Variants in PCDH9 observed in about 807,000 individuals in gnomAD.
PCDH9 encodes protocadherin-9.
PCDH9 carries 24 observed loss-of-function variants against 70.6 expected under a neutral mutation model. That is an observed-to-expected ratio of 0.34 (90% CI 0.25 to 0.48). The LOEUF is 0.48. Ranked by LOEUF, PCDH9 falls within the 20% of genes least tolerant of loss-of-function variation. PCDH9 has a pLI of 0.99. For missense variants in PCDH9, 1,281 were observed against 1,503.6 expected (o/e 0.85, Z 2.45); for synonymous variants, 562 against 558.5 (o/e 1.01, Z -0.09).
chr13:67,117,000 G>C (rs973696547), intron 2 of PCDH9, among the ~76,000 whole-genome samples: 17 of 151,992 alleles, frequency 1.1e-4, no homozygotes, highest in Non-Finnish European at 2.2e-4. Flanking sequence ...TTAATAAAAA[G>C]AAAGAAACTT....
At chr13:67,142,386 G>A (rs991562027) in intron 2 of PCDH9, among the ~76,000 whole-genome samples, 1 of 151,958 alleles carries the variant, frequency 6.6e-6, no homozygotes, top group Non-Finnish European at 1.5e-5. Flanking sequence ...ATAAAAAACA[G>A]GTATTTTACC....
chr13:66,373,363 G>C (rs139059467), intron 4 of PCDH9, among the ~76,000 whole-genome samples: 1 of 151,848 alleles, frequency 6.6e-6, no homozygotes, highest in Non-Finnish European at 1.5e-5. Context: ...GGAAATTGTC[G>C]TTTAATGGGT....
intron 3 of PCDH9, among the ~76,000 whole-genome samples, chr13:66,882,914 T>C (rs2081945425): frequency 6.6e-6 from 1 of 152,220 alleles, no homozygotes; most frequent in Non-Finnish European, 1.5e-5. Context: ...CATTTCTTCC[T>C]TTTTATGATG....
At chr13:67,161,642 G>A (rs2087963524) in intron 2 of PCDH9, among the ~76,000 whole-genome samples, 1 of 152,176 alleles carries the variant, frequency 6.6e-6, no homozygotes, top group Non-Finnish European at 1.5e-5. Flanking sequence ...GCAGGGAACT[G>A]TTGACCGTAG....
At chr13:66,801,807 T>C (rs1000324607) in intron 3 of PCDH9, among the ~76,000 whole-genome samples, 1 of 152,104 alleles carries the variant, frequency 6.6e-6, no homozygotes, top group Admixed American at 6.6e-5. Flanking sequence ...TTGTGGCTTT[T>C]TGAAAATCTT....
intron 2 of PCDH9, among the ~76,000 whole-genome samples, chr13:67,188,080 A>G (rs945633763): frequency 1.3e-5 from 2 of 152,170 alleles, no homozygotes; most frequent in Admixed American, 1.3e-4. Flanking sequence ...CATGAGAAAT[A>G]TACAGTAATA....
intron 4 of PCDH9, among the ~76,000 whole-genome samples, chr13:66,580,453 G>T (rs1218624066): frequency 3.9e-5 from 6 of 151,934 alleles, no homozygotes; most frequent in African/African-American, 1.4e-4. Flanking sequence ...AAATGCATGT[G>T]TAGAAAGTCA....
intron 2 of PCDH9, among the ~76,000 whole-genome samples, chr13:67,111,677 G>A (rs2086661789): frequency 6.6e-6 from 1 of 152,080 alleles, no homozygotes; most frequent in South Asian, 2.1e-4. Flanking sequence ...TTATTTAAGT[G>A]GGAGTGGAAT....
chr13:66,365,355 G>A (rs562499854), intron 4 of PCDH9, among the ~76,000 whole-genome samples: 39 of 152,264 alleles, frequency 2.6e-4, no homozygotes, highest in Middle Eastern at 3.4e-3. Flanking sequence ...TAAACAGTTG[G>A]TTCTCTCCTT....
intron 4 of PCDH9, among the ~76,000 whole-genome samples, chr13:66,457,720 T>A (rs1007466868): frequency 6.6e-6 from 1 of 152,058 alleles, no homozygotes; most frequent in Non-Finnish European, 1.5e-5. Context: ...CACTGAGTTA[T>A]GTTGGGTCAT....
At chr13:66,460,618 A>T (rs1433158303) in intron 4 of PCDH9, among the ~76,000 whole-genome samples, 1 of 151,922 alleles carries the variant, frequency 6.6e-6, no homozygotes, top group East Asian at 1.9e-4. Context: ...CTACTATAAG[A>T]TAGTTGAATT....
At chr13:66,993,743 C>G (rs1288237196) in intron 2 of PCDH9, among the ~76,000 whole-genome samples, 2 of 152,130 alleles carry the variant, frequency 1.3e-5, no homozygotes, top group Admixed American at 1.3e-4. Flanking sequence ...TTTAAAATTA[C>G]GTATCTTATA....
intron 4 of PCDH9, among the ~76,000 whole-genome samples, chr13:66,453,217 A>T (rs1387104739): frequency 2.6e-5 from 4 of 152,190 alleles, no homozygotes; most frequent in African/African-American, 9.6e-5. Flanking sequence ...TCCAAGGAGT[A>T]GGTGACATGT....
intron 4 of PCDH9, among the ~76,000 whole-genome samples, chr13:66,512,369 T>A (rs571146449): frequency 1.3e-5 from 2 of 151,476 alleles, no homozygotes; most frequent in African/African-American, 4.8e-5. Flanking sequence ...CAATTATATA[T>A]AAATGATTGT....
intron 2 of PCDH9, among the ~76,000 whole-genome samples, chr13:66,905,540 G>A (rs1333184898): frequency 6.6e-6 from 1 of 152,130 alleles, no homozygotes; most frequent in East Asian, 1.9e-4. Context: ...TTGGGTTAAG[G>A]TTAAAACTTC....
At chr13:67,075,266 G>A (rs1310617752) in intron 2 of PCDH9, among the ~76,000 whole-genome samples, 1 of 151,784 alleles carries the variant, frequency 6.6e-6, no homozygotes, top group African/African-American at 2.4e-5. Flanking sequence ...TTGAGGAACA[G>A]GATTATTATT....
chr13:66,566,445 C>CTA (rs912981357), intron 4 of PCDH9, among the ~76,000 whole-genome samples: 35 of 152,026 alleles, frequency 2.3e-4, no homozygotes, highest in African/African-American at 7.5e-4. Flanking sequence ...TTTTTGTTTT[C>CTA]TATATATATA....
intron 3 of PCDH9, among the ~76,000 whole-genome samples, chr13:66,819,479 A>C (rs1209190573): frequency 6.6e-6 from 1 of 152,184 alleles, no homozygotes; most frequent in East Asian, 1.9e-4. Flanking sequence ...ACTACGATAA[A>C]AAATATGATA....
chr13:66,873,171 A>G (rs1368814283), intron 3 of PCDH9, among the ~76,000 whole-genome samples: 1 of 152,080 alleles, frequency 6.6e-6, no homozygotes, highest in Non-Finnish European at 1.5e-5. Context: ...TCTGAATAAG[A>G]TCTTATTTTT....
Sources: allele counts gnomAD v4.1 joint callset (sites outside exome capture counted in the v4.1 genomes callset), GRCh38; gene constraint gnomAD v4.1.1; transcripts MANE v1.5; gene names NCBI Gene and HGNC (gene_info 2026-07-23, HGNC 2026-07-21).